Variants in CEP63 observed in about 807,000 individuals in gnomAD.
CEP63 encodes centrosomal protein 63, also known as centrosomal protein of 63 kDa.
Under a neutral mutation model 89.1 loss-of-function variants are expected in CEP63, and 84 were observed. That is an observed-to-expected ratio of 0.94 (90% confidence interval 0.79 to 1.13). The LOEUF (loss-of-function observed/expected upper bound fraction) is 1.13. CEP63 is among the 50% of genes most tolerant of loss of function. The probability of loss-of-function intolerance (pLI) is 0.00; values close to 1 mark genes in which losing one functional copy is unlikely to be tolerated. For synonymous variants in CEP63, 267 were observed against 272.5 expected (o/e 0.98, Z 0.20); for missense variants, 838 against 813.3 (o/e 1.03, Z -0.37).
chr3:134,608,106 C>T, the CEP63 span: 1 of 1,127,932 alleles, frequency 8.9e-7, no homozygotes. Flanking sequence ...ACCCATGTTG[C>T]TCCCCATCCT....
At chr3:134,616,444 G>C in the CEP63 span, among the ~76,000 whole-genome samples, 2 of 152,190 alleles carry the variant, frequency 1.3e-5, no homozygotes, top group African/African-American at 4.8e-5. Context: ...TAAGGAATTA[G>C]CTAATTAATT....
At chr3:134,699,001 G>A in the CEP63 span, among the ~76,000 whole-genome samples, 23 of 152,154 alleles carry the variant, frequency 1.5e-4, no homozygotes, top group Non-Finnish European at 2.2e-4. Context: ...AAATACTGAG[G>A]CCTCTCACTA....
At chr3:134,762,328 C>T in the CEP63 span, among the ~76,000 whole-genome samples, 1 of 152,056 alleles carries the variant, frequency 6.6e-6, no homozygotes, top group Admixed American at 6.5e-5. Flanking sequence ...GGAGATGTAC[C>T]ACTTTCTGGG....
chr3:134,626,240 G>A, the CEP63 span, among the ~76,000 whole-genome samples: 8 of 152,254 alleles, frequency 5.3e-5, no homozygotes, highest in Non-Finnish European at 1.0e-4. Context: ...GCCTCTGGGT[G>A]CTGGGCAAGT....
Position 134,559,161 on chromosome 3 carries a change from G to T in CEP63, c.1685G>T (p.Gly562Val), listed in dbSNP as rs150189064. 4.3e-6 allele frequency: 7 copies of T among 1,613,830 alleles called. No homozygotes were observed. Among genetic ancestry groups the T allele is most frequent in the African/African-American group, 1.3e-5 (1 of 74,884 alleles). ...AATCTACCATCCAGGCCAACCCATG[G>T]CCAGCACAGACATGATGGAATAAAG... The part of the protein sequence containing the change: ...FKNTEFKPTH[G>V]QHRHDGIKTE... Residue 562 changes from glycine (G) to valine (V), a missense_variant, in exon 14 of 15, where the codon GGC (glycine) becomes GTC (valine). Physicochemically the swap from Gly to Val is moderately radical, Grantham distance 109. Transcript: ENST00000675561.
downstream of CEP63, among the ~76,000 whole-genome samples, chr3:134,577,576 C>T (rs956137221): frequency 2.6e-5 from 4 of 151,274 alleles, no homozygotes; most frequent in African/African-American, 7.3e-5. Context: ...TACAAGTGTG[C>T]GCCACCATGC....
chr3:134,617,776 G>A, the CEP63 span, among the ~76,000 whole-genome samples: 1 of 152,218 alleles, frequency 6.6e-6, no homozygotes, highest in Non-Finnish European at 1.5e-5. Context: ...CCTGGAAGGA[G>A]CTCTGGGGAG....
At chr3:134,507,959 G>A (rs976798787) in intron 3 of CEP63, among the ~76,000 whole-genome samples, 2 of 152,128 alleles carry the variant, frequency 1.3e-5, no homozygotes, top group African/African-American at 2.4e-5. Flanking sequence ...TTTTTGGTAT[G>A]GATGTCAATC....
the CEP63 span, among the ~76,000 whole-genome samples, chr3:134,736,665 G>A: frequency 0.022 from 3,330 of 152,200 alleles, 120 homozygotes; most frequent in African/African-American, 0.076. Flanking sequence ...AAAGGTTCCT[G>A]AATAAATGGA....
At chr3:134,565,698 C>A (rs1957726064), downstream of CEP63, among the ~76,000 whole-genome samples, 1 of 150,582 alleles carries the variant, frequency 6.6e-6, no homozygotes, top group African/African-American at 2.4e-5. Flanking sequence ...AGGAAGGCAG[C>A]CAAGTTACCT....
the CEP63 span, among the ~76,000 whole-genome samples, chr3:134,732,401 G>A: frequency 2.0e-5 from 3 of 151,922 alleles, no homozygotes; most frequent in Non-Finnish European, 4.4e-5. Flanking sequence ...GCTGTAATCA[G>A]AAATTCAAAA....
the CEP63 span, among the ~76,000 whole-genome samples, chr3:134,702,496 A>G: frequency 6.6e-6 from 1 of 152,198 alleles, no homozygotes; most frequent in Non-Finnish European, 1.5e-5. Context: ...ACAGTAATCA[A>G]AACAACATGG....
At chr3:134,486,768 T>G (rs959735770) in intron 1 of CEP63, 4 of 156,340 alleles carry the variant, frequency 2.6e-5, no homozygotes, top group African/African-American at 9.6e-5. Context: ...TAAACGGTTA[T>G]GTTAGTACAA....
At chr3:134,729,128 G>T in the CEP63 span, among the ~76,000 whole-genome samples, 2 of 151,890 alleles carry the variant, frequency 1.3e-5, no homozygotes, top group South Asian at 2.1e-4. Context: ...TATAATTAAT[G>T]ACTTTTATAT....
At chr3:134,652,447 C>T in the CEP63 span, among the ~76,000 whole-genome samples, 1,077 of 151,006 alleles carry the variant, frequency 7.1e-3, 16 homozygotes, top group African/African-American at 0.025. Flanking sequence ...TACCAGCGCC[C>T]CCCCCCACCA....
intron 2 of CEP63, among the ~76,000 whole-genome samples, chr3:134,496,673 T>A (rs1251310964): frequency 1.3e-5 from 2 of 152,224 alleles, no homozygotes; most frequent in African/African-American, 4.8e-5. Flanking sequence ...ATATTGTGCC[T>A]GTTTATGTCA....
At chr3:134,704,623 T>G in the CEP63 span, among the ~76,000 whole-genome samples, 2 of 152,210 alleles carry the variant, frequency 1.3e-5, no homozygotes, top group African/African-American at 4.8e-5. Flanking sequence ...CCAGCAGTCT[T>G]TCTCCTCTGG....
At position 134,537,336 on chromosome 3, in the gene CEP63, G is replaced by T. The variant is rs1577168434; in HGVS notation, c.555+68G>T. 4 of 977,474 alleles carry T rather than the reference G, an allele frequency of 4.1e-6. No individual in the cohort carries two copies. In the East Asian group the frequency reaches 9.7e-5, roughly 24 times the overall value. The allele number at this position is 977,474 out of a possible 1,614,324, so 60.6% of individuals were successfully genotyped here. On this transcript the variant is annotated intron_variant, in intron 6 of 14. Transcript: ENST00000675561. ...TTGATCAAGTTTGAACTACCTTAAT[G>T]CAGTGTCCTAGTACCATTTAGCCTC... is the stretch of plus-strand genomic sequence containing the variant.
At chr3:134,488,347 C>T (rs554476292) in intron 1 of CEP63, among the ~76,000 whole-genome samples, 109 of 152,256 alleles carry the variant, frequency 7.2e-4, no homozygotes, top group Middle Eastern at 3.4e-3. Flanking sequence ...GGCGCGGTGA[C>T]TCACGCCTGT....
Sources: gnomAD v4.1 joint callset for allele counts (sites outside exome capture counted in the v4.1 genomes callset) on GRCh38, gnomAD v4.1.1 for gene constraint, MANE v1.5 for transcripts, NCBI Gene and HGNC (gene_info 2026-07-23, HGNC 2026-07-21) for gene names.